MYH8: variants seen among roughly 807,000 people sequenced by gnomAD.
MYH8 encodes myosin-8.
Under a neutral mutation model 233.2 loss-of-function variants are expected in MYH8, and 168 were observed. The observed-to-expected ratio is 0.72, with a 90% CI of 0.64 to 0.82. The LOEUF is 0.82. Among genes scored for constraint, MYH8 ranks in the 40% least tolerant of loss-of-function variants. The pLI, the probability that MYH8 is intolerant of heterozygous loss-of-function variation, is 0.00. For synonymous variants in MYH8, 785 were observed against 850.6 expected (o/e 0.92, Z 1.34); for missense variants, 1,995 against 2,327.8 (o/e 0.86, Z 2.94).
In MYH8 at chr17:10,417,573, A is replaced by C. The variant is rs1221744948; in HGVS notation, c.511+1072T>G. Among the ~76,000 whole-genome samples the C allele has an allele frequency of 6.6e-6, 1 of 152,194 alleles. No homozygotes were observed. The highest frequency in any genetic ancestry group is 1.5e-5 in the Non-Finnish European group (1 of 68,036). On this transcript the variant is annotated intron_variant, in intron 5 of 39. Coordinates refer to ENST00000403437, the MANE Select transcript of MYH8 (RefSeq NM_002472.3). The surrounding 1 kb of genome is among the most constrained non-coding windows in gnomAD (Gnocchi z 4.1). ...ACAAAAATCATGTTTGGGAGCCATA[A>C]GTAACCTTGAATTTGGAGCAGCCCC...
In MYH8 at chr17:10,409,594, T is replaced by C. The variant is rs1444822079; in HGVS notation, c.1588-6A>G. 1.9e-6 allele frequency: 3 copies of C among 1,614,012 alleles called. No homozygotes were observed. Among genetic ancestry groups the C allele is most frequent in the Non-Finnish European group, 2.5e-6 (3 of 1,179,984 alleles). On this transcript the variant is annotated splice_region_variant and splice_polypyrimidine_tract_variant and intron_variant, in intron 15 of 39. Transcript: ENST00000403437. ...ATGGAGAAGATGCCCAGTGGCTGAA[T>C]TCAGAAAAGTAACATTGGTGTCAAC...
In MYH8 at chr17:10,406,937, G is replaced by T. The variant is rs1424405891; in HGVS notation, c.2008C>A (p.Pro670Thr). Reference sequence around the variant, plus strand: ...GGAATGATACACCGTACGAAGTGAGGGTGTGTGCTCCTCAGATTCGTCATC... The same window carrying T: ...GGAATGATACACCGTACGAAGTGAGTGTGTGTGCTCCTCAGATTCGTCATC... ...KLMTNLRSTH[P>T]HFVRCIIPNE... The change falls in exon 18 of 40, where the codon CCT becomes ACT. Residue 670 changes from proline (P) to threonine (T), a missense_variant. By Grantham distance (38) the Pro-to-Thr change is conservative. Coordinates refer to ENST00000403437, the MANE Select transcript of MYH8 (RefSeq NM_002472.3). The T allele has an allele frequency of 6.2e-7, 1 of 1,613,978 alleles. No individual in the cohort carries two copies. The highest frequency in any genetic ancestry group is 2.2e-5 in the East Asian group (1 of 44,876).
At chr17:10,406,850 C>G in intron 18 of MYH8, 42 bp downstream of exon 18, 1 of 1,613,386 alleles carries the variant, frequency 6.2e-7, no homozygotes, top group Non-Finnish European at 8.5e-7. Flanking sequence ...ATTTAACTTT[C>G]AAACCTGTGC....
Position 10,413,902 on chromosome 17 carries a change from C to G in MYH8, c.1147G>C (p.Val383Leu). ...EEQAEPDGTE[V>L]ADKAAYLQSL... ...ACCCAGATAAAGTTTCATTTGGTAC[C>G]TTCTGTGCCATCTGGCTCAGCTTGC... is the stretch of plus-strand genomic sequence containing the variant. Residue 383 changes from valine (V) to leucine (L), a missense_variant and splice_region_variant, in exon 12 of 40, where the codon GTC becomes CTC. By Grantham distance (32) the Val-to-Leu change is conservative. Coordinates refer to ENST00000403437, the MANE Select transcript of MYH8 (RefSeq NM_002472.3). 6.2e-7 allele frequency: 1 copy of G among 1,613,968 alleles called. No homozygotes were observed. Among genetic ancestry groups the G allele is most frequent in the Non-Finnish European group, 8.5e-7 (1 of 1,179,964 alleles).
chr17:10,406,417 A>T lies in MYH8; in HGVS notation c.2172-20T>A. ...TTGTATCTGCTCAGTTAAAGAAAGA[A>T]AGAATGGTTAGGAAAATGTGACCAC... On this transcript the variant is annotated intron_variant, in intron 19 of 39. Coordinates refer to ENST00000403437, the MANE Select transcript of MYH8 (RefSeq NM_002472.3). 1.2e-6 allele frequency: 2 copies of T among 1,613,902 alleles called. No individual in the cohort carries two copies. Among genetic ancestry groups the T allele is most frequent in the Non-Finnish European group, 1.7e-6 (2 of 1,179,802 alleles).
At chr17:10,403,781 C>T (rs2072162627) in intron 22 of MYH8, among the ~76,000 whole-genome samples, 1 of 152,126 alleles carries the variant, frequency 6.6e-6, no homozygotes, top group South Asian at 2.1e-4. Flanking sequence ...ACCCCAACTG[C>T]CCCTCCTTCC....
rs947236585 is a variant in MYH8 at position 10,396,580 on chromosome 17, G to A, written c.4501C>T (p.Leu1501=). The change falls in exon 32 of 40, where the codon CTA becomes TTA. Residue 1501 remains leucine, a synonymous_variant. Transcript: ENST00000403437. The surrounding 1 kb of genome is among the most constrained non-coding windows in gnomAD (Gnocchi z 4.2). Reference sequence around the variant, plus strand: ...TGCAAGTTCTTATTTTCTCTTCTTAGCGTTTCGAGTTGATCCAGGGATTCC... The same window carrying A: ...TGCAAGTTCTTATTTTCTCTTCTTAACGTTTCGAGTTGATCCAGGGATTCC... ...YEESLDQLET[L]RRENKNLQQE... The A allele has an allele frequency of 6.2e-7, 1 of 1,614,118 alleles. No individual in the cohort carries two copies. The highest frequency in any genetic ancestry group is 8.5e-7 in the Non-Finnish European group (1 of 1,180,010).
In MYH8 at chr17:10,404,520, A is replaced by G; in HGVS notation, c.2498T>C (p.Met833Thr). ...AFMNVKHWPW[M>T]KLFFKIKPLL... The stretch of plus-strand genomic sequence containing the variant: ...GGGCTTAATCTTGAAAAAGAGTTTC[A>G]TCCAGGGCCAGTGCTTGACGTTCAT... The change falls in exon 22 of 40, where the codon ATG becomes ACG. Residue 833 changes from methionine (M) to threonine (T), a missense_variant. Physicochemically the swap from Met to Thr is moderately conservative, Grantham distance 81 (BLOSUM62 -1). Around this residue, in one of 3 missense-constraint regions of MYH8, gnomAD observed 1,498 missense variants for 1,680.9 expected, o/e 0.89. Coordinates refer to ENST00000403437, the MANE Select transcript of MYH8 (RefSeq NM_002472.3). The G allele has an allele frequency of 6.2e-7, 1 of 1,614,040 alleles. No individual in the cohort carries two copies. Among genetic ancestry groups the G allele is most frequent in the Non-Finnish European group, 8.5e-7 (1 of 1,179,944 alleles).
chr17:10,414,719 T>C, intron 9 of MYH8, among the ~76,000 whole-genome samples: 1 of 152,214 alleles, frequency 6.6e-6, no homozygotes, highest in Middle Eastern at 3.2e-3. Context: ...CTCTGTATTT[T>C]AGTTGATCCC....
chr17:10,395,180 C>A lies in MYH8; in HGVS notation c.4915G>T (p.Ala1639Ser). ...EIQLNHANRL[A>S]AESLRNYRNT... is the part of the protein sequence containing the mutation. ...CTGTAGTTCCTTAAACTCTCTGCAG[C>A]TAAGCGATTGGCATGGTTCAGCTGG... The change falls in exon 34 of 40, where the codon GCT becomes TCT. Residue 1639 changes from alanine to serine, a missense_variant. Around this residue, in one of 3 missense-constraint regions of MYH8, gnomAD observed 1,498 missense variants for 1,680.9 expected, o/e 0.89. Coordinates refer to ENST00000403437, the MANE Select transcript of MYH8 (RefSeq NM_002472.3). 6.2e-7 allele frequency: 1 copy of A among 1,614,064 alleles called. No homozygotes were observed. The highest frequency in any genetic ancestry group is 8.5e-7 in the Non-Finnish European group (1 of 1,180,024).
chr17:10,419,123 T>G lies in MYH8; in HGVS notation c.211-93A>C. On this transcript the variant is annotated intron_variant, in intron 3 of 39. Transcript: ENST00000403437. The surrounding 1 kb of genome is among the most constrained non-coding windows in gnomAD (Gnocchi z 4.0). The stretch of plus-strand genomic sequence containing the variant: ...CCCAGGCTGGAGTGCAGTGGCGCGA[T>G]CTCAGCTCACTGCAACCTCCGCCCT... 1 of 1,440,434 alleles carries G rather than the reference T, an allele frequency of 6.9e-7. No homozygotes were observed. The highest frequency in any genetic ancestry group is 9.7e-7 in the Non-Finnish European group (1 of 1,035,992). The allele number at this position is 1,440,434 out of a possible 1,614,324, so 89.2% of individuals were successfully genotyped here.
chr17:10,390,688 G>T, intron 39 of MYH8, 85 bp from the exon 40 acceptor site: 2 of 1,469,656 alleles, frequency 1.4e-6, no homozygotes, highest in Middle Eastern at 1.7e-4. Context: ...CCTCAAATCA[G>T]GTATTTCCTT....
At chr17:10,403,874 G>C (rs1302073243) in intron 22 of MYH8, among the ~76,000 whole-genome samples, 1 of 152,120 alleles carries the variant, frequency 6.6e-6, no homozygotes, top group Admixed American at 6.6e-5. Context: ...CTGACATGCT[G>C]GTAGTTCAGT....
Position 10,412,507 on chromosome 17 carries a change from C to T in MYH8, c.1279G>A (p.Val427Met), listed in dbSNP as rs745934708. 1.9e-6 allele frequency: 3 copies of T among 1,614,120 alleles called. No individual in the cohort carries two copies. The African/African-American group carries it at 4.0e-5, about 22-fold the overall frequency. The change falls in exon 14 of 40, where the codon GTG becomes ATG. Residue 427 changes from valine (V) to methionine (M), a missense_variant. Around this residue, in one of 3 missense-constraint regions of MYH8, gnomAD observed 479 missense variants for 600.9 expected, o/e 0.80. Coordinates refer to ENST00000403437, the MANE Select transcript of MYH8 (RefSeq NM_002472.3). ...GQTVQQVYNAVGALAKAVYEK... is the reference protein window; with the variant it reads ...GQTVQQVYNAMGALAKAVYEK... ...TAGACGGCTTTGGCCAGAGCACCCA[C>T]CGCATTGTACACCTTCACAGATAGA...
In MYH8 at chr17:10,412,714, C is replaced by G; in HGVS notation, c.1162G>C (p.Ala388Pro). Reference protein sequence around the residue: ...PDGTEVADKAAYLQSLNSADL... With the variant: ...PDGTEVADKAPYLQSLNSADL... ...GCAGAGTTCAGACTCTGGAGATAGG[C>G]TGCCTTGTCAGCGACTGCAGAGACA... The change falls in exon 13 of 40, where the codon GCC (alanine) becomes CCC (proline). Residue 388 changes from alanine to proline, a missense_variant. By Grantham distance (27) the Ala-to-Pro change is conservative. Around this residue, in one of 3 missense-constraint regions of MYH8, gnomAD observed 479 missense variants for 600.9 expected, o/e 0.80. Transcript: ENST00000403437. 1 of 1,614,116 alleles carries G rather than the reference C, an allele frequency of 6.2e-7. No homozygotes were observed. Among genetic ancestry groups the G allele is most frequent in the Non-Finnish European group, 8.5e-7 (1 of 1,179,960 alleles).
rs144785726 is a variant in MYH8 at position 10,393,002 on chromosome 17, C to T, written c.5293-1G>A. On this transcript the variant is annotated splice_acceptor_variant, in intron 36 of 39. Coordinates refer to ENST00000403437, the MANE Select transcript of MYH8 (RefSeq NM_002472.3). LOFTEE classifies it high-confidence loss of function. ...TCAGCTCCTCAGCCATCATGGCAGC[C>T]TATTTAGGAAATAAATTAAGAAAGT... The T allele has an allele frequency of 2.6e-5, 42 of 1,614,210 alleles. No individual in the cohort carries two copies. The African/African-American group carries it at 5.6e-4, about 22-fold the overall frequency.
chr17:10,395,050 A>C (rs2072066332), intron 34 of MYH8, 83 bp downstream of exon 34: 2 of 1,467,560 alleles, frequency 1.4e-6, no homozygotes, highest in East Asian at 4.5e-5. Context: ...AGAGAAAAAA[A>C]GGATCGTTTA....
At chr17:10,391,998 A>G in intron 38 of MYH8, 21 bp from the exon 39 acceptor site, 1 of 1,594,732 alleles carries the variant, frequency 6.3e-7, no homozygotes, top group Non-Finnish European at 8.6e-7. Context: ...GAAAAAAATA[A>G]TCTGCATTCA....
chr17:10,409,481 G>A lies in MYH8; in HGVS notation c.1695C>T (p.Asn565=). 6.2e-7 allele frequency: 1 copy of A among 1,614,232 alleles called. No individual in the cohort carries two copies. Among genetic ancestry groups the A allele is most frequent in the Admixed American group, 1.7e-5 (1 of 60,034 alleles). ...CTTTGACCACCTTGGGCTTCTGGAA[G>A]TTGGCAGACTTGCCCAGGTGCTGGT... is the stretch of plus-strand genomic sequence containing the variant. ...LYDQHLGKSA[N]FQKPKVVKGK... is the part of the protein sequence containing the mutation. Residue 565 remains asparagine (N), a synonymous_variant, in exon 16 of 40, where the codon AAC becomes AAT. Coordinates refer to ENST00000403437, the MANE Select transcript of MYH8 (RefSeq NM_002472.3).
Sources: allele counts gnomAD v4.1 joint callset (sites outside exome capture counted in the v4.1 genomes callset), GRCh38; gene constraint gnomAD v4.1.1; regional missense constraint gnomAD v4.1.1; non-coding constraint Gnocchi (gnomAD v3.1); transcripts MANE v1.5; gene names NCBI Gene and HGNC (gene_info 2026-07-23, HGNC 2026-07-21).